GLI2: variants seen among roughly 807,000 people sequenced by gnomAD.
GLI2 encodes transcription activator GLI2.
A neutral mutation model predicts 78.9 loss-of-function variants in GLI2; 22 were observed. That is an observed-to-expected ratio of 0.28 (90% CI 0.20 to 0.40). The LOEUF is 0.40. Among genes scored for constraint, GLI2 ranks in the 10% least tolerant of loss-of-function variants. GLI2 has a pLI of 1.00. For missense variants in GLI2, 2,097 were observed against 2,213.2 expected, an observed-to-expected ratio of 0.95 and a Z score of 1.05; for synonymous variants, 974 against 963.7, an observed-to-expected ratio of 1.01 and a Z score of -0.20.
chr2:120,962,589 C>T (rs1457960680), intron 5 of GLI2, among the ~76,000 whole-genome samples: 1 of 152,196 alleles, frequency 6.6e-6, no homozygotes, highest in African/African-American at 2.4e-5. Flanking sequence ...GGCCAGTCAC[C>T]CGTGGCCGAC....
At chr2:120,852,521 GT>G (rs1407277321) in intron 2 of GLI2, among the ~76,000 whole-genome samples, 1 of 152,200 alleles carries the variant, frequency 6.6e-6, no homozygotes, top group Non-Finnish European at 1.5e-5. Context: ...GGACGAGTGT[GT>G]TTCTGAGGGA....
chr2:120,982,068 G>C (rs756027759), intron 10 of GLI2, among the ~76,000 whole-genome samples: 3 of 152,182 alleles, frequency 2.0e-5, no homozygotes, highest in Non-Finnish European at 2.9e-5. Flanking sequence ...TCTCAGAGGA[G>C]ATGACCTAAA....
intron 2 of GLI2, among the ~76,000 whole-genome samples, chr2:120,819,787 A>T (rs1195957996): frequency 3.9e-5 from 6 of 152,174 alleles, no homozygotes; most frequent in African/African-American, 7.2e-5. Flanking sequence ...CTCACCAGCT[A>T]AGAAGAAGGA....
rs554521325 is a variant in GLI2 at position 120,924,226 on chromosome 2, A to G, written c.149-3135A>G. 6.6e-5 allele frequency among the ~76,000 whole-genome samples: 10 copies of G among 152,288 alleles called. No homozygotes were observed. The South Asian group carries it at 1.9e-3, about 28-fold the overall frequency. The stretch of plus-strand genomic sequence containing the variant: ...AAGACCCAGGAGCTGGTATTTGCCA[A>G]GTGCTGAAAGCAGAGCTGTGGACTG... On this transcript the variant is annotated intron_variant, in intron 2 of 13. Transcript: ENST00000361492.
intron 1 of GLI2, among the ~76,000 whole-genome samples, chr2:120,766,116 C>A (rs1573356708): frequency 6.6e-6 from 1 of 152,170 alleles, no homozygotes; most frequent in African/African-American, 2.4e-5. Context: ...CGGAGGTTCA[C>A]GCGGCAAGGC....
intron 2 of GLI2, among the ~76,000 whole-genome samples, chr2:120,805,586 G>A (rs532925273): frequency 6.6e-6 from 1 of 152,366 alleles, no homozygotes; most frequent in Admixed American, 6.5e-5. Context: ...TTTTACAGAT[G>A]TGGAAACTGA....
At chr2:120,948,389 C>T (rs970110505) in intron 3 of GLI2, among the ~76,000 whole-genome samples, 3 of 152,126 alleles carry the variant, frequency 2.0e-5, no homozygotes, top group African/African-American at 7.2e-5. Flanking sequence ...CCTGGGCTAC[C>T]CCTGGGCTCC....
intron 2 of GLI2, among the ~76,000 whole-genome samples, chr2:120,850,145 A>G (rs1687327974): frequency 6.8e-6 from 1 of 146,314 alleles, no homozygotes; most frequent in South Asian, 2.1e-4. Context: ...CAATACAAGA[A>G]AATTGCCTGG....
intron 3 of GLI2, among the ~76,000 whole-genome samples, chr2:120,935,370 G>A (rs1680150057): frequency 1.3e-5 from 2 of 152,246 alleles, no homozygotes; most frequent in South Asian, 4.1e-4. Flanking sequence ...TCCAGGCGAT[G>A]TGTCGGGCAG....
chr2:120,822,430 A>G (rs1685825635), intron 2 of GLI2, among the ~76,000 whole-genome samples: 1 of 152,154 alleles, frequency 6.6e-6, no homozygotes, highest in Admixed American at 6.5e-5. Context: ...CTGAATCCTG[A>G]CCCTCACAGG....
At chr2:120,742,362 CTTCT>C (rs1035701839) in intron 1 of GLI2, among the ~76,000 whole-genome samples, 1 of 152,176 alleles carries the variant, frequency 6.6e-6, no homozygotes, top group African/African-American at 2.4e-5. Context: ...CTTAGCAATG[CTTCT>C]TTGTGTGCTG....
intron 2 of GLI2, among the ~76,000 whole-genome samples, chr2:120,852,851 G>A (rs750101814): frequency 9.2e-5 from 14 of 152,234 alleles, no homozygotes; most frequent in Non-Finnish European, 4.4e-5. Flanking sequence ...TGCCCAGTGT[G>A]TGGCCACTGT....
intron 2 of GLI2, among the ~76,000 whole-genome samples, chr2:120,906,563 C>T (rs779743970): frequency 3.3e-5 from 5 of 152,124 alleles, no homozygotes; most frequent in Admixed American, 6.5e-5. Context: ...TGTACAATCT[C>T]GTCCTCCTTC....
chr2:120,985,645 T>G (rs1682937977), intron 12 of GLI2, among the ~76,000 whole-genome samples: 1 of 152,146 alleles, frequency 6.6e-6, no homozygotes, highest in African/African-American at 2.4e-5. Flanking sequence ...GTGCATCTGG[T>G]GCAAGCCTCA....
intron 1 of GLI2, among the ~76,000 whole-genome samples, 159 bp downstream of exon 1, chr2:120,736,444 C>A (rs1355150056): frequency 6.6e-6 from 1 of 151,970 alleles, no homozygotes; most frequent in Non-Finnish European, 1.5e-5. Context: ...CTTCGGGGGA[C>A]TAGAGGCTAG....
intron 2 of GLI2, among the ~76,000 whole-genome samples, chr2:120,904,175 G>A (rs564617373): frequency 2.0e-5 from 3 of 152,298 alleles, no homozygotes; most frequent in Admixed American, 2.0e-4. Flanking sequence ...CTGAGTTCTG[G>A]AACATTCTAG....
intron 2 of GLI2, among the ~76,000 whole-genome samples, chr2:120,839,451 T>C (rs1259397851): frequency 6.6e-6 from 1 of 152,238 alleles, no homozygotes; most frequent in African/African-American, 2.4e-5. Flanking sequence ...TGTGTTCATT[T>C]TTCTTGTTTT....
chr2:120,862,699 C>A (rs995507337), intron 2 of GLI2, among the ~76,000 whole-genome samples: 1 of 152,168 alleles, frequency 6.6e-6, no homozygotes, highest in Non-Finnish European at 1.5e-5. Context: ...TATTCATTAT[C>A]GCTTCACTGG....
At chr2:120,927,531 G>A in intron 3 of GLI2, 65 bp downstream of exon 3, 1 of 1,042,178 alleles carries the variant, frequency 9.6e-7, no homozygotes, top group Non-Finnish European at 1.5e-6. Flanking sequence ...GGCTGGGCCG[G>A]CAGCCTCAGC....
Sources: gnomAD v4.1 joint callset for allele counts (sites outside exome capture counted in the v4.1 genomes callset) on GRCh38, gnomAD v4.1.1 for gene constraint, MANE v1.5 for transcripts, NCBI Gene and HGNC (gene_info 2026-07-23, HGNC 2026-07-21) for gene names.